Variants in CBLB observed in about 807,000 individuals in gnomAD.
CBLB encodes E3 ubiquitin-protein ligase CBL-B.
A neutral mutation model predicts 104.9 loss-of-function variants in CBLB; 31 were observed. The observed-to-expected ratio is 0.30, with a 90% CI of 0.22 to 0.40. The LOEUF (loss-of-function observed/expected upper bound fraction) is 0.40, where lower values mean the gene tolerates loss of function less well. Ranked by LOEUF, CBLB falls within the 10% of genes least tolerant of loss-of-function variation. CBLB has a pLI of 1.00. For synonymous variants in CBLB, 440 were observed against 422.6 expected (o/e 1.04, Z -0.51); for missense variants, 1,062 against 1,214.6 (o/e 0.87, Z 1.87).
rs150947087 is a variant in CBLB, at chr3:105,864,097, G to C, written c.168+3313C>G. ...AATAATGCTGTTCCTAAAAGGCAAT[G>C]GCCAGCAGAATCCAGACAGAAAACT... On this transcript the variant is annotated intron_variant, in intron 2 of 18. Transcript: ENST00000394030. 6.9e-3 allele frequency among the ~76,000 whole-genome samples: 1,056 copies of C among 152,262 alleles called. 11 individuals are homozygous for C. The highest frequency in any genetic ancestry group is 0.024 in the African/African-American group (1,013 of 41,550).
At chr3:105,851,786 C>A (rs1346307280) in intron 3 of CBLB, among the ~76,000 whole-genome samples, 1 of 152,102 alleles carries the variant, frequency 6.6e-6, no homozygotes, top group Non-Finnish European at 1.5e-5. Flanking sequence ...CAGTCATGAA[C>A]CCCGTAATGA....
At chr3:105,663,526 C>T (rs892354951) in intron 18 of CBLB, among the ~76,000 whole-genome samples, 2 of 152,110 alleles carry the variant, frequency 1.3e-5, no homozygotes, top group Non-Finnish European at 2.9e-5. Flanking sequence ...GCAGCAGATG[C>T]AGTTTGTCAG....
At chr3:105,722,010 T>C (rs1243216847) in intron 9 of CBLB, among the ~76,000 whole-genome samples, 1 of 151,702 alleles carries the variant, frequency 6.6e-6, no homozygotes, top group Non-Finnish European at 1.5e-5. Context: ...CTGGGCAACA[T>C]AGCAAGACCT....
At chr3:105,721,678 G>T (rs1576605007) in intron 9 of CBLB, among the ~76,000 whole-genome samples, 1 of 152,026 alleles carries the variant, frequency 6.6e-6, no homozygotes, top group Non-Finnish European at 1.5e-5. Flanking sequence ...TGTCCAGGGG[G>T]CTTCAAAACA....
chr3:105,793,484 CA>C (rs367556783), intron 3 of CBLB, among the ~76,000 whole-genome samples: 105,422 of 118,864 alleles, frequency 0.89, 46,283 homozygotes, highest in South Asian at 0.94. Context: ...AAATGTTTAA[CA>C]AAAAAAAAAA....
At chr3:105,757,562 T>C (rs2077197245) in intron 4 of CBLB, among the ~76,000 whole-genome samples, 1 of 152,238 alleles carries the variant, frequency 6.6e-6, no homozygotes, top group African/African-American at 2.4e-5. Flanking sequence ...TATGTTTACT[T>C]CATAAAAATT....
intron 3 of CBLB, among the ~76,000 whole-genome samples, chr3:105,781,520 T>C (rs1045682062): frequency 6.6e-6 from 1 of 151,014 alleles, no homozygotes; most frequent in Non-Finnish European, 1.5e-5. Context: ...GCTCTAATTA[T>C]AGCCATCTTG....
chr3:105,702,295 C>G lies in CBLB; in HGVS notation c.1758G>C (p.Pro586=), dbSNP rs376583785. Residue 586 remains proline (P), a synonymous_variant, in exon 12 of 19, where the codon CCG becomes CCC. Coordinates refer to ENST00000394030, the MANE Select transcript of CBLB (RefSeq NM_170662.5). The stretch of plus-strand genomic sequence containing the variant: ...GGCACCATGCTTCAAGAGGCATTGG[C>G]GGGTCTCTGGAAGGCACGCTTTCCA... ...HHVESVPSRD[P]PMPLEAWCPR... 3 of 1,613,788 alleles carry G rather than the reference C, an allele frequency of 1.9e-6. No homozygotes were observed. Among genetic ancestry groups the G allele is most frequent in the African/African-American group, 2.7e-5 (2 of 74,880 alleles).
intron 14 of CBLB, among the ~76,000 whole-genome samples, chr3:105,684,912 A>T (rs2066820409): frequency 6.6e-6 from 1 of 152,252 alleles, no homozygotes; most frequent in South Asian, 2.1e-4. Context: ...AAAAACAAAA[A>T]GTTAAGAGAA....
chr3:105,808,338 T>C (rs1414444321), intron 3 of CBLB, among the ~76,000 whole-genome samples: 1 of 152,196 alleles, frequency 6.6e-6, no homozygotes, highest in Non-Finnish European at 1.5e-5. Flanking sequence ...CTGTCCCACA[T>C]CTTTAGTAAT....
At chr3:105,865,875 C>A (rs538458142) in intron 2 of CBLB, among the ~76,000 whole-genome samples, 75 of 152,216 alleles carry the variant, frequency 4.9e-4, no homozygotes, top group Admixed American at 9.2e-4. Context: ...CCTTCTCTTA[C>A]CCCAACTAAT....
chr3:105,833,658 G>A (rs1298057840), intron 3 of CBLB, among the ~76,000 whole-genome samples: 1 of 151,598 alleles, frequency 6.6e-6, no homozygotes, highest in African/African-American at 2.4e-5. Flanking sequence ...ACATTCTTGG[G>A]TATATTCCTT....
chr3:105,762,934 AC>A (rs2077805889), intron 4 of CBLB, among the ~76,000 whole-genome samples: 1 of 152,204 alleles, frequency 6.6e-6, no homozygotes, highest in Non-Finnish European at 1.5e-5. Context: ...GGGAAACTGT[AC>A]CCTGCGAAGC....
chr3:105,717,652 T>G (rs1013573047), intron 10 of CBLB, among the ~76,000 whole-genome samples: 3 of 152,190 alleles, frequency 2.0e-5, no homozygotes, highest in African/African-American at 7.2e-5. Flanking sequence ...GAAATCAGGC[T>G]CAGACTAGTC....
At chr3:105,835,037 A>C (rs1327068962) in intron 3 of CBLB, among the ~76,000 whole-genome samples, 1 of 152,186 alleles carries the variant, frequency 6.6e-6, no homozygotes, top group Non-Finnish European at 1.5e-5. Context: ...ATCACTTATT[A>C]ATCTCCATGA....
intron 3 of CBLB, among the ~76,000 whole-genome samples, chr3:105,830,682 C>T (rs572614850): frequency 6.6e-6 from 1 of 152,188 alleles, no homozygotes; most frequent in South Asian, 2.1e-4. Flanking sequence ...GAAACAGAGC[C>T]ATTATCAAGT....
rs1235418491 is a variant in CBLB at position 105,655,969 on chromosome 3, C to T, written c.*3001G>A. On this transcript the variant is annotated 3_prime_UTR_variant, in exon 19 of 19. Transcript: ENST00000394030. ...TAAGAAATGGGACCCTTTTAAGTTG[C>T]AGTGAGGGTTCTATTATGAAGACTA... 8.8e-6 allele frequency: 2 copies of T among 227,776 alleles called. No individual in the cohort carries two copies. Among genetic ancestry groups the T allele is most frequent in the African/African-American group, 2.2e-5 (1 of 44,964 alleles). 14.1% of individuals were successfully genotyped at this position (227,776 alleles called of 1,614,324 possible).
At chr3:105,684,421 T>C (rs1335006804) in intron 14 of CBLB, among the ~76,000 whole-genome samples, 1 of 152,194 alleles carries the variant, frequency 6.6e-6, no homozygotes, top group African/African-American at 2.4e-5. Flanking sequence ...TAAAGTAATA[T>C]TTCAATACAA....
chr3:105,838,249 A>ATTTTTT (rs55769611), intron 3 of CBLB, among the ~76,000 whole-genome samples: 2 of 55,992 alleles, frequency 3.6e-5, no homozygotes, highest in Non-Finnish European at 6.2e-5. Context: ...ACACCTGGCT[A>ATTTTTT]TTTTTTTTTT....
Sources: allele counts gnomAD v4.1 joint callset (sites outside exome capture counted in the v4.1 genomes callset), GRCh38; gene constraint gnomAD v4.1.1; transcripts MANE v1.5; gene names NCBI Gene and HGNC (gene_info 2026-07-23, HGNC 2026-07-21).